The following CNTF variants were observed in gnomAD, a reference collection of about 807,000 sequenced individuals.
CNTF encodes ciliary neurotrophic factor.
A neutral mutation model predicts 13.0 loss-of-function variants in CNTF; 14 were observed. The ratio of observed to expected loss-of-function variants is 1.07; its 90% CI spans 0.71 to 1.68. The LOEUF (loss-of-function observed/expected upper bound fraction) is 1.68. Ranked by LOEUF, CNTF falls within the 40% of genes most tolerant of loss-of-function variation. CNTF has a pLI of 0.00. For synonymous variants in CNTF, 98 were observed against 92.4 expected, an observed-to-expected ratio of 1.06 and a Z score of -0.35; for missense variants, 283 against 252.5, an observed-to-expected ratio of 1.12 and a Z score of -0.82.
rs1388160749 is a variant in CNTF, at chr11:58,624,372, CTT to C, written c.455_456del (p.Phe152Ter). ...MPINVGDGGL[F>X]EKKLWGLKVL... The stretch of plus-strand genomic sequence containing the variant: ...CTATTAATGTTGGAGATGGTGGTCT[CTT>C]TGAGAAGAAGCTGTGGGGCCTAAAG... On this transcript the variant is annotated frameshift_variant, in exon 2 of 2. Coordinates refer to ENST00000361987, the MANE Select transcript of CNTF (RefSeq NM_000614.4). LOFTEE classifies it high-confidence loss of function. 9 of 1,613,962 alleles carry C rather than the reference CTT, an allele frequency of 5.6e-6. No homozygotes were observed. In the Middle Eastern group the frequency reaches 8.3e-4, roughly 148 times the overall value.
In CNTF at chr11:58,625,122, T is replaced by G. The variant is rs944378829; in HGVS notation, c.*600T>G. ...ATGAGAAAACAGGCTCACAGAGATT[T>G]GGTTAAGCTCACACAGCTAACAAGT... is the stretch of plus-strand genomic sequence containing the variant. On this transcript the variant is annotated 3_prime_UTR_variant, in exon 2 of 2. Transcript: ENST00000361987. 6.5e-6 allele frequency: 1 copy of G among 153,050 alleles called. No individual in the cohort carries two copies. Among genetic ancestry groups the G allele is most frequent in the South Asian group, 2.1e-4 (1 of 4,874 alleles). The allele number at this position is 153,050 out of a possible 1,614,324, so 9.5% of individuals were successfully genotyped here.
chr11:58,622,692 G>C lies in CNTF; in HGVS notation c.-61G>C, dbSNP rs1423409054. ...TCTTTGAGAGTCACATCTCTTATTTGGACCAGTATAGACAGAAGTAAACCC... is the reference window on the plus strand; with the variant it reads ...TCTTTGAGAGTCACATCTCTTATTTCGACCAGTATAGACAGAAGTAAACCC... On this transcript the variant is annotated 5_prime_UTR_variant, in exon 1 of 2. Transcript: ENST00000361987. The C allele has an allele frequency of 8.3e-7, 1 of 1,206,740 alleles. No individual in the cohort carries two copies. Among genetic ancestry groups the C allele is most frequent in the South Asian group, 1.2e-5 (1 of 80,490 alleles). 74.8% of individuals were successfully genotyped at this position (1,206,740 alleles called of 1,614,324 possible). A position where few individuals can be genotyped will look rare whatever the true frequency, so the allele number is the denominator to read the frequency against.
Position 58,622,692 on chromosome 11 carries a change from G to T in CNTF, c.-61G>T. 8.3e-7 allele frequency: 1 copy of T among 1,206,738 alleles called. No individual in the cohort carries two copies. The highest frequency in any genetic ancestry group is 1.2e-6 in the Non-Finnish European group (1 of 815,206). 74.8% of individuals were successfully genotyped at this position (1,206,738 alleles called of 1,614,324 possible). A position where few individuals can be genotyped will look rare whatever the true frequency, so the allele number is the denominator to read the frequency against. Reference sequence around the variant, plus strand: ...TCTTTGAGAGTCACATCTCTTATTTGGACCAGTATAGACAGAAGTAAACCC... The same window carrying T: ...TCTTTGAGAGTCACATCTCTTATTTTGACCAGTATAGACAGAAGTAAACCC... On this transcript the variant is annotated 5_prime_UTR_variant, in exon 1 of 2. Transcript: ENST00000361987.
chr11:58,623,433 C>T (rs961236479), intron 1 of CNTF, among the ~76,000 whole-genome samples: 7 of 152,214 alleles, frequency 4.6e-5, no homozygotes, highest in African/African-American at 1.7e-4. Context: ...AATTCTTGAG[C>T]TAATTCTGGA....
intron 1 of CNTF, 138 bp downstream of exon 1, chr11:58,623,004 C>T (rs1395034711): frequency 1.4e-6 from 1 of 732,380 alleles, no homozygotes; most frequent in Non-Finnish European, 2.4e-6. Context: ...TGACATGGGC[C>T]CTTCCCTTGA....
chr11:58,623,809 C>T lies in CNTF; in HGVS notation c.115-225C>T, dbSNP rs75928381. Among the ~76,000 whole-genome samples, 73 of 152,272 alleles carry T rather than the reference C, an allele frequency of 4.8e-4. 1 individual carries two copies. In the East Asian group the frequency reaches 8.3e-3, roughly 17 times the overall value. On this transcript the variant is annotated intron_variant, in intron 1 of 1. Transcript: ENST00000361987. Reference sequence around the variant, plus strand: ...TAGAACTCAATAAAATCTGAACATTCTTCTAAGAAAAATCCATAGGTAGTC... The same window carrying T: ...TAGAACTCAATAAAATCTGAACATTTTTCTAAGAAAAATCCATAGGTAGTC...
In CNTF at chr11:58,622,971, T is replaced by C. The variant is rs1208447769; in HGVS notation, c.114+105T>C. On this transcript the variant is annotated intron_variant, in intron 1 of 1. Coordinates refer to ENST00000361987, the MANE Select transcript of CNTF (RefSeq NM_000614.4). ...TTACCAATTGTGAAAGCTCTAATCA[T>C]ATAGTCATTCATATAGGTTATTTGA... 3 of 807,326 alleles carry C rather than the reference T, an allele frequency of 3.7e-6. No individual in the cohort carries two copies. The South Asian group carries it at 4.4e-5, about 12-fold the overall frequency. 50.0% of individuals were successfully genotyped at this position (807,326 alleles called of 1,614,324 possible). A position where few individuals can be genotyped will look rare whatever the true frequency, so the allele number is the denominator to read the frequency against.
chr11:58,622,720 C>G lies in CNTF; in HGVS notation c.-33C>G, dbSNP rs377441103. The G allele has an allele frequency of 4.0e-6, 6 of 1,507,108 alleles. No individual in the cohort carries two copies. Among genetic ancestry groups the G allele is most frequent in the Non-Finnish European group, 5.5e-6 (6 of 1,083,274 alleles). 93.4% of individuals were successfully genotyped at this position (1,507,108 alleles called of 1,614,324 possible). A position where few individuals can be genotyped will look rare whatever the true frequency, so the allele number is the denominator to read the frequency against. On this transcript the variant is annotated 5_prime_UTR_variant, in exon 1 of 2. Transcript: ENST00000361987. Reference sequence around the variant, plus strand: ...CCAGTATAGACAGAAGTAAACCCAGCTGACTTGTTTCCTGGGACAGTTGAG... The same window carrying G: ...CCAGTATAGACAGAAGTAAACCCAGGTGACTTGTTTCCTGGGACAGTTGAG...
chr11:58,624,261 C>T lies in CNTF; in HGVS notation c.342C>T (p.Leu114=). 6.2e-7 allele frequency: 1 copy of T among 1,613,952 alleles called. No homozygotes were observed. The highest frequency in any genetic ancestry group is 8.5e-7 in the Non-Finnish European group (1 of 1,179,998). ...ATCAAGCTATACATACCCTTCTTCT[C>T]CAAGTCGCTGCCTTTGCATACCAGA... is the stretch of plus-strand genomic sequence containing the variant. ...DFHQAIHTLL[L]QVAAFAYQIE... Residue 114 remains leucine, a synonymous_variant, in exon 2 of 2, where the codon CTC becomes CTT. Coordinates refer to ENST00000361987, the MANE Select transcript of CNTF (RefSeq NM_000614.4).
chr11:58,624,614 A>G lies in CNTF; in HGVS notation c.*92A>G. Reference sequence around the variant, plus strand: ...GCTTTCCCATCTTAAATTTCTAAAAACAGTTAAGACAACAGGCATTTTCTT... The same window carrying G: ...GCTTTCCCATCTTAAATTTCTAAAAGCAGTTAAGACAACAGGCATTTTCTT... On this transcript the variant is annotated 3_prime_UTR_variant, in exon 2 of 2. Transcript: ENST00000361987. 6.8e-7 allele frequency: 1 copy of G among 1,475,478 alleles called. No homozygotes were observed. Among genetic ancestry groups the G allele is most frequent in the Non-Finnish European group, 9.3e-7 (1 of 1,072,922 alleles). The allele number at this position is 1,475,478 out of a possible 1,614,324, so 91.4% of individuals were successfully genotyped here.
chr11:58,623,570 G>A (rs1468590503), intron 1 of CNTF, among the ~76,000 whole-genome samples: 1 of 152,212 alleles, frequency 6.6e-6, no homozygotes, highest in Non-Finnish European at 1.5e-5. Context: ...TCTTTGTACA[G>A]CCTCACCAGA....
chr11:58,622,973 T>C (rs1289146182), intron 1 of CNTF, 107 bp downstream of exon 1: 4 of 790,314 alleles, frequency 5.1e-6, no homozygotes, highest in African/African-American at 3.4e-5. Flanking sequence ...TCTAATCATA[T>C]AGTCATTCAT....
chr11:58,624,143 A>C lies in CNTF; in HGVS notation c.224A>C (p.Glu75Ala). ...SELTEAERLQ[E>A]NLQAYRTFHV... Reference sequence around the variant, plus strand: ...CTGACCGAGGCAGAGCGACTCCAAGAGAACCTTCAAGCTTATCGTACCTTC... The same window carrying C: ...CTGACCGAGGCAGAGCGACTCCAAGCGAACCTTCAAGCTTATCGTACCTTC... Residue 75 changes from glutamate to alanine, a missense_variant, in exon 2 of 2, where the codon GAG (glutamate) becomes GCG (alanine). Glu to Ala is a moderately radical substitution (Grantham distance 107). Coordinates refer to ENST00000361987, the MANE Select transcript of CNTF (RefSeq NM_000614.4). 6.2e-7 allele frequency: 1 copy of C among 1,613,896 alleles called. No homozygotes were observed. Among genetic ancestry groups the C allele is most frequent in the East Asian group, 2.2e-5 (1 of 44,876 alleles).
In CNTF at chr11:58,624,367, G is replaced by A. The variant is rs933816646; in HGVS notation, c.448G>A (p.Gly150Ser). 3 of 1,613,850 alleles carry A rather than the reference G, an allele frequency of 1.9e-6. No homozygotes were observed. The highest frequency in any genetic ancestry group is 2.5e-6 in the Non-Finnish European group (3 of 1,180,030). ...DGMPINVGDG[G>S]LFEKKLWGLK... ...GATGCCTATTAATGTTGGAGATGGT[G>A]GTCTCTTTGAGAAGAAGCTGTGGGG... The change falls in exon 2 of 2, where the codon GGT becomes AGT. Residue 150 changes from glycine to serine, a missense_variant. Transcript: ENST00000361987.
rs779340530 is a variant in CNTF at position 58,622,813 on chromosome 11, A to C, written c.61A>C (p.Ile21Leu). 5 of 1,613,928 alleles carry C rather than the reference A, an allele frequency of 3.1e-6. No homozygotes were observed. The Admixed American group carries it at 8.3e-5, about 27-fold the overall frequency. Residue 21 changes from isoleucine to leucine, a missense_variant, in exon 1 of 2, where the codon ATC (isoleucine) becomes CTC (leucine). By Grantham distance (5) the Ile-to-Leu change is conservative (BLOSUM62 2). Coordinates refer to ENST00000361987, the MANE Select transcript of CNTF (RefSeq NM_000614.4). ...PHRRDLCSRSIWLARKIRSDL... is the reference protein window; with the variant it reads ...PHRRDLCSRSLWLARKIRSDL... ...CCGTCGGGACCTCTGTAGCCGCTCTATCTGGCTAGCAAGGAAGATTCGTTC... is the reference window on the plus strand; with the variant it reads ...CCGTCGGGACCTCTGTAGCCGCTCTCTCTGGCTAGCAAGGAAGATTCGTTC...
Position 58,624,604 on chromosome 11 carries a change from ATTTC to A in CNTF, c.*84_*87del. 2 of 1,541,094 alleles carry A rather than the reference ATTTC, an allele frequency of 1.3e-6. No individual in the cohort carries two copies. The highest frequency in any genetic ancestry group is 1.8e-6 in the Non-Finnish European group (2 of 1,130,578). On this transcript the variant is annotated 3_prime_UTR_variant, in exon 2 of 2. Coordinates refer to ENST00000361987, the MANE Select transcript of CNTF (RefSeq NM_000614.4). ...CTGGGGCCTCGCTTTCCCATCTTAA[ATTTC>A]TAAAAACAGTTAAGACAACAGGCAT... is the stretch of plus-strand genomic sequence containing the variant.
rs1364909977 is a variant in CNTF, at chr11:58,624,992, C to G, written c.*470C>G. ...AGAGAATAAGAATAATAATGGCTAACTTTTATTATCTTCTATATTAAGGCA... is the reference window on the plus strand; with the variant it reads ...AGAGAATAAGAATAATAATGGCTAAGTTTTATTATCTTCTATATTAAGGCA... On this transcript the variant is annotated 3_prime_UTR_variant, in exon 2 of 2. Transcript: ENST00000361987. 5.8e-6 allele frequency: 1 copy of G among 171,678 alleles called. No individual in the cohort carries two copies. The highest frequency in any genetic ancestry group is 2.4e-5 in the African/African-American group (1 of 41,546). The allele number at this position is 171,678 out of a possible 1,614,324, so 10.6% of individuals were successfully genotyped here.
chr11:58,623,084 ATATATGG>A (rs1348463453), intron 1 of CNTF, among the ~76,000 whole-genome samples: 64 of 152,278 alleles, frequency 4.2e-4, no homozygotes, highest in African/African-American at 1.5e-3. Context: ...ATGAGAAAAT[ATATATGG>A]AGTTCTAGAA....
Position 58,624,565 on chromosome 11 carries a change from A to C in CNTF, c.*43A>C, listed in dbSNP as rs371344476. ...CTTCCTTGCTTTCTCTTCTAATGGAATATGCGTAGTTCCCTGGGGCCTCGC... is the reference window on the plus strand; with the variant it reads ...CTTCCTTGCTTTCTCTTCTAATGGACTATGCGTAGTTCCCTGGGGCCTCGC... On this transcript the variant is annotated 3_prime_UTR_variant, in exon 2 of 2. Transcript: ENST00000361987. 8 of 1,606,474 alleles carry C rather than the reference A, an allele frequency of 5.0e-6. No homozygotes were observed. The highest frequency in any genetic ancestry group is 1.3e-5 in the African/African-American group (1 of 74,894).
Sources: allele counts gnomAD v4.1 joint callset (sites outside exome capture counted in the v4.1 genomes callset), GRCh38; gene constraint gnomAD v4.1.1; transcripts MANE v1.5; gene names NCBI Gene and HGNC (gene_info 2026-07-23, HGNC 2026-07-21).